The following SNTG2 variants were observed in gnomAD, a reference collection of about 807,000 sequenced individuals.
The protein encoded by SNTG2 is gamma-2-syntrophin.
Under a neutral mutation model 70.9 loss-of-function variants are expected in SNTG2, and 74 were observed. That is an observed-to-expected ratio of 1.04 (90% CI 0.86 to 1.27). The LOEUF (loss-of-function observed/expected upper bound fraction) is 1.27. Ranked by LOEUF, SNTG2 falls within the 50% of genes most tolerant of loss-of-function variation. The pLI, the probability that SNTG2 is intolerant of heterozygous loss-of-function variation, is 0.00. For missense variants in SNTG2, 717 were observed against 690.7 expected, an observed-to-expected ratio of 1.04 and a Z score of -0.43; for synonymous variants, 278 against 273.8, an observed-to-expected ratio of 1.02 and a Z score of -0.15.
Position 1,309,576 on chromosome 2 carries a change from G to A in SNTG2, c.1377+990G>A, listed in dbSNP as rs369343209. Among the ~76,000 whole-genome samples, 92 of 152,224 alleles carry A rather than the reference G, an allele frequency of 6.0e-4. No individual in the cohort carries two copies. In the South Asian group the frequency reaches 0.017, roughly 28 times the overall value. ...CTGCAGGGTGGAGCCCAGGGATGCC[G>A]CTCTGGGCACAGGGCCCCACACAGG... On this transcript the variant is annotated intron_variant, in intron 15 of 16. Transcript: ENST00000308624.
chr2:1,227,611 G>T (rs1046833901), intron 9 of SNTG2, among the ~76,000 whole-genome samples: 1 of 152,240 alleles, frequency 6.6e-6, no homozygotes, highest in Non-Finnish European at 1.5e-5. Context: ...CCTCAGGCCT[G>T]TTGGAGTGTG....
chr2:1,163,528 C>T (rs1156991089), intron 6 of SNTG2: 4 of 152,188 alleles, frequency 2.6e-5, no homozygotes, highest in African/African-American at 9.7e-5. Context: ...GCATGTGAGG[C>T]CTTCCAACAG....
chr2:981,014 G>A (rs1245368156), intron 1 of SNTG2, among the ~76,000 whole-genome samples: 2 of 152,170 alleles, frequency 1.3e-5, no homozygotes, highest in Non-Finnish European at 2.9e-5. Flanking sequence ...CCCAAGGTTA[G>A]AGCTGGTGAT....
chr2:1,060,848 G>C lies in SNTG2; in HGVS notation c.73-22670G>C, dbSNP rs192209490. 2.5e-4 allele frequency among the ~76,000 whole-genome samples: 38 copies of C among 152,348 alleles called. 1 individual carries two copies. The highest frequency in any genetic ancestry group is 1.2e-3 in the Admixed American group (18 of 15,308). On this transcript the variant is annotated intron_variant, in intron 1 of 16. Transcript: ENST00000308624. ...GATTTAAAACCAGTGGGTGAAGTCA[G>C]ACCAGGAGCAGGATATGTTCACAGT...
chr2:1,043,153 G>A (rs187847147), intron 1 of SNTG2, among the ~76,000 whole-genome samples: 20 of 152,186 alleles, frequency 1.3e-4, no homozygotes, highest in African/African-American at 4.8e-4. Context: ...ATGCTTGTTG[G>A]CCACATATAC....
In SNTG2 at chr2:1,367,420, C is replaced by A. The variant is rs1183019918; in HGVS notation, c.1566C>A (p.Asp522Glu). 2 of 1,551,582 alleles carry A rather than the reference C, an allele frequency of 1.3e-6. No individual in the cohort carries two copies. Among genetic ancestry groups the A allele is most frequent in the East Asian group, 2.4e-5 (1 of 40,920 alleles). ...TAGCAGCCAAGGTGGCCTCCGTGGACCCCGGCTTCATGGACAGTCAGAGTC... is the reference window on the plus strand; with the variant it reads ...TAGCAGCCAAGGTGGCCTCCGTGGAACCCGGCTTCATGGACAGTCAGAGTC... ...SFIAAKVASV[D>E]PGFMDSQSLA... is the part of the protein sequence containing the mutation. The change falls in exon 17 of 17, where the codon GAC becomes GAA. Residue 522 changes from aspartate (D) to glutamate (E), a missense_variant. Asp to Glu is a conservative substitution (Grantham distance 45, BLOSUM62 2). Coordinates refer to ENST00000308624, the MANE Select transcript of SNTG2 (RefSeq NM_018968.4).
At chr2:1,186,523 T>C (rs191031635) in intron 8 of SNTG2, among the ~76,000 whole-genome samples, 15 of 152,302 alleles carry the variant, frequency 9.8e-5, no homozygotes, top group Non-Finnish European at 1.3e-4. Flanking sequence ...TGGCTCATAG[T>C]ACCACAGGGT....
intron 6 of SNTG2, chr2:1,163,300 G>A (rs936897976): frequency 1.1e-4 from 17 of 151,386 alleles, no homozygotes; most frequent in Admixed American, 9.2e-4. Context: ...GTGGGTGTGT[G>A]AGGCCTCCCA....
At chr2:1,284,110 G>A (rs1470549397) in intron 14 of SNTG2, among the ~76,000 whole-genome samples, 1 of 152,150 alleles carries the variant, frequency 6.6e-6, no homozygotes, top group East Asian at 1.9e-4. Context: ...TAGGGAGCGG[G>A]CTGCAGCTGG....
chr2:1,145,903 T>C (rs1193312048), intron 6 of SNTG2, among the ~76,000 whole-genome samples: 1 of 152,204 alleles, frequency 6.6e-6, no homozygotes, highest in Non-Finnish European at 1.5e-5. Flanking sequence ...GTTCAGCATT[T>C]GGAAATTAAT....
At chr2:995,825 C>A (rs1418847924) in intron 1 of SNTG2, among the ~76,000 whole-genome samples, 1 of 152,098 alleles carries the variant, frequency 6.6e-6, no homozygotes, top group African/African-American at 2.4e-5. Context: ...TTACTTCCTT[C>A]CTCTCTACAA....
chr2:1,159,565 C>T (rs1478206199), intron 6 of SNTG2: 1 of 151,942 alleles, frequency 6.6e-6, no homozygotes, highest in Non-Finnish European at 1.5e-5. Context: ...TATCAAAATT[C>T]GTCGAATACA....
At chr2:951,859 C>T (rs912181711) in intron 1 of SNTG2, among the ~76,000 whole-genome samples, 2 of 152,108 alleles carry the variant, frequency 1.3e-5, no homozygotes, top group Non-Finnish European at 2.9e-5. Flanking sequence ...CATTGACAAC[C>T]ACTCCTTTAG....
intron 4 of SNTG2, among the ~76,000 whole-genome samples, chr2:1,114,505 G>A (rs1225829323): frequency 6.6e-6 from 1 of 151,838 alleles, no homozygotes; most frequent in Non-Finnish European, 1.5e-5. Flanking sequence ...GGAGAATCAT[G>A]TGTACTAAGT....
rs1001011698 is a variant in SNTG2 at position 1,091,241 on chromosome 2, C to G, written c.211-6955C>G. ...GACATGGACAGACACCCCTGCTCCT[C>G]ATCACCTGCCCTGATAGTGCAGGCC... On this transcript the variant is annotated intron_variant, in intron 2 of 16. Transcript: ENST00000308624. Among the ~76,000 whole-genome samples the G allele has an allele frequency of 2.8e-4, 42 of 152,172 alleles. 1 individual carries two copies. Among genetic ancestry groups the G allele is most frequent in the Non-Finnish European group, 1.0e-4 (7 of 68,030 alleles).
In SNTG2 at chr2:1,243,444, A is replaced by AT. The variant is rs1553370063; in HGVS notation, c.888+3668_888+3669insT. Among the ~76,000 whole-genome samples the AT allele has an allele frequency of 1.1e-3, 165 of 152,094 alleles. 1 individual carries two copies. The highest frequency in any genetic ancestry group is 3.9e-3 in the African/African-American group (162 of 41,450). ...TCAATCAGAATTAGATGGTAATTCCACCCTTGATCAAGTTCTCCTCCAAAA... is the reference window on the plus strand; with the variant it reads ...TCAATCAGAATTAGATGGTAATTCCATCCCTTGATCAAGTTCTCCTCCAAAA... On this transcript the variant is annotated intron_variant, in intron 11 of 16. Transcript: ENST00000308624.
In SNTG2 at chr2:1,172,146, A is replaced by G. The variant is rs539418792; in HGVS notation, c.500-946A>G. Among the ~76,000 whole-genome samples, 69 of 152,312 alleles carry G rather than the reference A, an allele frequency of 4.5e-4. 1 individual carries two copies. In the South Asian group the frequency reaches 0.014, roughly 31 times the overall value. ...CAGCACCATGTGGTTGTGATGATTGATGGCTGGCTGGTGACAGGTCCTCCT... is the reference window on the plus strand; with the variant it reads ...CAGCACCATGTGGTTGTGATGATTGGTGGCTGGCTGGTGACAGGTCCTCCT... On this transcript the variant is annotated intron_variant, in intron 7 of 16. Transcript: ENST00000308624.
intron 1 of SNTG2, among the ~76,000 whole-genome samples, chr2:1,026,802 TCCTGCCCTTGG>T (rs1262796260): frequency 6.6e-6 from 1 of 152,088 alleles, no homozygotes; most frequent in Non-Finnish European, 1.5e-5. Flanking sequence ...AGGAGCCCCC[TCCTGCCCTTGG>T]CCTGCCCTTC....
At chr2:1,267,646 C>A in intron 14 of SNTG2, 75 bp downstream of exon 14, 1 of 1,308,162 alleles carries the variant, frequency 7.6e-7, no homozygotes, top group Non-Finnish European at 1.1e-6. Context: ...GAATATGTAG[C>A]AGTTTATCGG....
Sources: allele counts gnomAD v4.1 joint callset (sites outside exome capture counted in the v4.1 genomes callset), GRCh38; gene constraint gnomAD v4.1.1; transcripts MANE v1.5; gene names NCBI Gene and HGNC (gene_info 2026-07-23, HGNC 2026-07-21).